The following SYTL2 variants were observed in gnomAD, a reference collection of about 807,000 sequenced individuals.
SYTL2 encodes the protein synaptotagmin like 2.
SYTL2 carries 165 observed loss-of-function variants against 198.7 expected under a neutral mutation model. The observed-to-expected ratio is 0.83, with a 90% CI of 0.73 to 0.94. The LOEUF is 0.94. Ranked by LOEUF, SYTL2 falls within the 40% of genes least tolerant of loss-of-function variation. The probability of loss-of-function intolerance (pLI) is 0.00; values close to 1 mark genes in which losing one functional copy is unlikely to be tolerated. For missense variants in SYTL2, 2,835 were observed against 2,582.8 expected (o/e 1.10, Z -2.12); for synonymous variants, 966 against 917.7 (o/e 1.05, Z -0.95).
At chr11:85,801,364 C>G (rs1458139721) in intron 1 of SYTL2, among the ~76,000 whole-genome samples, 2 of 152,142 alleles carry the variant, frequency 1.3e-5, no homozygotes, top group Non-Finnish European at 2.9e-5. Flanking sequence ...GGTAAACATG[C>G]TTAACTCAAG....
intron 5 of SYTL2, 53 bp downstream of exon 5, chr11:85,737,522 A>G (rs759592624): frequency 2.1e-6 from 3 of 1,426,762 alleles, no homozygotes; most frequent in Non-Finnish European, 2.9e-6. Flanking sequence ...CACAATGAGG[A>G]AAAATGGCAT....
rs375386505 is a variant in SYTL2 at position 85,725,924 on chromosome 11, G to T, written c.3434C>A (p.Thr1145Lys). ...TCCACCAGAGGGTTGAATTGCTGGTGTTGAGGTTTCTGAAAGCAGTTTCTG... is the reference window on the plus strand; with the variant it reads ...TCCACCAGAGGGTTGAATTGCTGGTTTTGAGGTTTCTGAAAGCAGTTTCTG... ...SLQKLLSETS[T>K]PAIQPSGGKV... The change falls in exon 8 of 20, where the codon ACA becomes AAA. Residue 1145 changes from threonine (T) to lysine (K), a missense_variant. By Grantham distance (78) the Thr-to-Lys change is moderately conservative. Around this residue, in one of 3 missense-constraint regions of SYTL2, gnomAD observed 2,645 missense variants for 2,381.7 expected, o/e 1.11. Coordinates refer to ENST00000359152, the MANE Select transcript of SYTL2 (RefSeq NM_206927.4). 1.2e-4 allele frequency: 186 copies of T among 1,614,040 alleles called. No homozygotes were observed. Among genetic ancestry groups the T allele is most frequent in the Non-Finnish European group, 1.5e-4 (182 of 1,180,018 alleles).
chr11:85,822,753 G>A, the SYTL2 span, among the ~76,000 whole-genome samples: 6 of 152,234 alleles, frequency 3.9e-5, no homozygotes, highest in Non-Finnish European at 7.3e-5. Flanking sequence ...GGAATCCACA[G>A]TCAGGCCAAA....
At chr11:85,699,316 A>G (rs145338708) in intron 17 of SYTL2, among the ~76,000 whole-genome samples, 1 of 152,302 alleles carries the variant, frequency 6.6e-6, no homozygotes, top group East Asian at 1.9e-4. Context: ...GCCATTTCAA[A>G]GAAGAAAAAC....
chr11:85,801,116 G>A (rs1458506194), intron 1 of SYTL2, among the ~76,000 whole-genome samples: 4 of 152,182 alleles, frequency 2.6e-5, no homozygotes, highest in African/African-American at 9.7e-5. Context: ...TAGTTTTGTA[G>A]TCTGAGCCTC....
At chr11:85,770,822 T>G (rs1232730247) in intron 1 of SYTL2, among the ~76,000 whole-genome samples, 1 of 152,184 alleles carries the variant, frequency 6.6e-6, no homozygotes, top group Non-Finnish European at 1.5e-5. Flanking sequence ...GGCAACATTT[T>G]CTCTTTCACT....
intron 1 of SYTL2, among the ~76,000 whole-genome samples, chr11:85,810,608 T>C (rs2093019536): frequency 6.6e-6 from 1 of 150,712 alleles, no homozygotes; most frequent in Non-Finnish European, 1.5e-5. Flanking sequence ...TGGGGGCAGT[T>C]ACTCTGCAGC....
At chr11:85,732,447 A>G (rs1244935081) in intron 7 of SYTL2, among the ~76,000 whole-genome samples, 1 of 152,222 alleles carries the variant, frequency 6.6e-6, no homozygotes, top group African/African-American at 2.4e-5. Context: ...CTGCAGGGAC[A>G]TGGATGAAGC....
chr11:85,695,262 G>A lies in SYTL2; in HGVS notation c.6653C>T (p.Ser2218Phe). ...EVALWEKMVN[S>F]PNTWIEATLP... ...TGTTGCTTCAATCCAAGTATTGGGG[G>A]AGTTTACCATCTTCTCCCAGAGAGC... The change falls in exon 20 of 20, where the codon TCC becomes TTC. Residue 2218 changes from serine to phenylalanine, a missense_variant. Coordinates refer to ENST00000359152, the MANE Select transcript of SYTL2 (RefSeq NM_206927.4). 1 of 1,612,844 alleles carries A rather than the reference G, an allele frequency of 6.2e-7. No individual in the cohort carries two copies. Among genetic ancestry groups the A allele is most frequent in the Admixed American group, 1.7e-5 (1 of 59,952 alleles).
intron 1 of SYTL2, among the ~76,000 whole-genome samples, chr11:85,762,256 T>C (rs1470601710): frequency 6.6e-6 from 1 of 152,198 alleles, no homozygotes; most frequent in East Asian, 1.9e-4. Flanking sequence ...GGAAGAATTT[T>C]GGCTACTACA....
chr11:85,723,800 G>A (rs1490253581), intron 8 of SYTL2, among the ~76,000 whole-genome samples: 1 of 150,496 alleles, frequency 6.6e-6, no homozygotes, highest in East Asian at 1.9e-4. Context: ...AAAGTCTCAG[G>A]AACACAGAAG....
At chr11:85,783,784 T>C (rs2092598274) in intron 1 of SYTL2, among the ~76,000 whole-genome samples, 1 of 152,202 alleles carries the variant, frequency 6.6e-6, no homozygotes, top group South Asian at 2.1e-4. Flanking sequence ...CCATGCTCTG[T>C]GCTTCCACCC....
At chr11:85,838,841 A>G in the SYTL2 span, among the ~76,000 whole-genome samples, 1 of 152,222 alleles carries the variant, frequency 6.6e-6, no homozygotes, top group Non-Finnish European at 1.5e-5. Flanking sequence ...GAGTTTTCAC[A>G]TATCTATACA....
intron 15 of SYTL2, chr11:85,705,380 C>T (rs914856870): frequency 3.6e-5 from 6 of 167,228 alleles, no homozygotes; most frequent in South Asian, 1.7e-4. Context: ...CAAATGTAAC[C>T]GAATTCTCTG....
At chr11:85,779,635 G>GT (rs2092523314) in intron 1 of SYTL2, among the ~76,000 whole-genome samples, 1 of 98,218 alleles carries the variant, frequency 1.0e-5, no homozygotes, top group African/African-American at 3.2e-5. Flanking sequence ...AACTCATCAA[G>GT]TGTTTTTTTT....
At position 85,726,952 on chromosome 11, in the gene SYTL2, C is replaced by A; in HGVS notation, c.2406G>T (p.Glu802Asp). 3.3e-6 allele frequency: 5 copies of A among 1,536,624 alleles called. No homozygotes were observed. Among genetic ancestry groups the A allele is most frequent in the Non-Finnish European group, 3.5e-6 (4 of 1,146,992 alleles). Reference protein sequence around the residue: ...VSDRISFWEGEKAGAKITHEK... With the variant: ...VSDRISFWEGDKAGAKITHEK... ...CATGAGTTATCTTAGCACCAGCTTT[C>A]TCTCCTTCCCAAAAGGATATTCTGT... Residue 802 changes from glutamate (E) to aspartate (D), a missense_variant, in exon 8 of 20, where the codon GAG (glutamate) becomes GAT (aspartate). Physicochemically the swap from Glu to Asp is conservative, Grantham distance 45 (BLOSUM62 2). Coordinates refer to ENST00000359152, the MANE Select transcript of SYTL2 (RefSeq NM_206927.4).
At chr11:85,714,354 G>C in intron 12 of SYTL2, 59 bp downstream of exon 12, 1 of 1,357,804 alleles carries the variant, frequency 7.4e-7, no homozygotes, top group Non-Finnish European at 1.1e-6. Flanking sequence ...CACCAACCTT[G>C]GCATAGCAAT....
At chr11:85,809,568 T>C (rs561383833) in intron 1 of SYTL2, among the ~76,000 whole-genome samples, 2 of 152,296 alleles carry the variant, frequency 1.3e-5, no homozygotes, top group African/African-American at 4.8e-5. Context: ...GAATCAGAGA[T>C]TGGATTTGAA....
rs1430097919 is a variant in SYTL2, at chr11:85,714,512, ACAG to A, written c.5531-8_5531-6del. 1 of 1,609,296 alleles carries A rather than the reference ACAG, an allele frequency of 6.2e-7. No homozygotes were observed. Among genetic ancestry groups the A allele is most frequent in the East Asian group, 2.2e-5 (1 of 44,846 alleles). ...GTTGTGTAGGCACTGTGGAAACTAA[ACAG>A]CAGCATTTCCATTTCAAAATTATTC... On this transcript the variant is annotated splice_region_variant and splice_polypyrimidine_tract_variant and intron_variant, in intron 11 of 19. Coordinates refer to ENST00000359152, the MANE Select transcript of SYTL2 (RefSeq NM_206927.4).
Sources: allele counts gnomAD v4.1 joint callset (sites outside exome capture counted in the v4.1 genomes callset), GRCh38; gene constraint gnomAD v4.1.1; regional missense constraint gnomAD v4.1.1; transcripts MANE v1.5; gene names NCBI Gene and HGNC (gene_info 2026-07-23, HGNC 2026-07-21).